Variants in CEP112 observed in about 807,000 individuals in gnomAD.
The protein encoded by CEP112 is centrosomal protein of 112 kDa.
A neutral mutation model predicts 153.0 loss-of-function variants in CEP112; 127 were observed. The ratio of observed to expected loss-of-function variants is 0.83; its 90% CI spans 0.72 to 0.96. CEP112 has a LOEUF of 0.96. CEP112 is among the 40% of genes least tolerant of loss of function. The pLI is 0.00. For missense variants in CEP112, 1,089 were observed against 1,101.2 expected (o/e 0.99, Z 0.16); for synonymous variants, 358 against 374.4 (o/e 0.96, Z 0.51).
intron 23 of CEP112, among the ~76,000 whole-genome samples, chr17:65,714,972 C>A (rs867356731): frequency 6.6e-6 from 1 of 151,800 alleles, no homozygotes; most frequent in Non-Finnish European, 1.5e-5. Flanking sequence ...TTATTTGCAA[C>A]GGTAATACTA....
chr17:65,843,868 T>G (rs4790925), intron 21 of CEP112, among the ~76,000 whole-genome samples: 4,136 of 152,238 alleles, frequency 0.027, 95 homozygotes, highest in South Asian at 0.059. Context: ...TAGTGGAGAA[T>G]TTACAAAGGA....
intron 17 of CEP112, among the ~76,000 whole-genome samples, chr17:65,965,351 G>C (rs57674093): frequency 6.6e-6 from 1 of 152,200 alleles, no homozygotes; most frequent in Non-Finnish European, 1.5e-5. Context: ...TATAAGCACA[G>C]GGAAATATGT....
intron 18 of CEP112, among the ~76,000 whole-genome samples, chr17:65,951,589 C>A (rs7220672): frequency 0.017 from 2,543 of 152,196 alleles, 86 homozygotes; most frequent in African/African-American, 0.058. Flanking sequence ...TGACTCCTAA[C>A]TTTGGCAATT....
intron 17 of CEP112, among the ~76,000 whole-genome samples, chr17:66,002,572 A>G (rs1434280348): frequency 6.6e-6 from 1 of 152,158 alleles, no homozygotes; most frequent in African/African-American, 2.4e-5. Context: ...ATCCCAGGAT[A>G]ATTTATTCTC....
At chr17:65,866,973 C>T (rs1312233952) in intron 20 of CEP112, among the ~76,000 whole-genome samples, 2 of 151,370 alleles carry the variant, frequency 1.3e-5, no homozygotes, top group Admixed American at 6.6e-5. Flanking sequence ...TTGCTCACCA[C>T]ATTGCAGATG....
intron 23 of CEP112, among the ~76,000 whole-genome samples, chr17:65,715,088 T>C (rs572142403): frequency 2.0e-5 from 3 of 151,806 alleles, no homozygotes; most frequent in African/African-American, 7.3e-5. Flanking sequence ...AGGAAAAGAG[T>C]AATACAGAGC....
chr17:66,172,463 G>A (rs977223887), intron 4 of CEP112, among the ~76,000 whole-genome samples: 9 of 152,132 alleles, frequency 5.9e-5, no homozygotes, highest in South Asian at 2.1e-4. Flanking sequence ...AACTGACAAC[G>A]AATGCCTCAT....
At chr17:65,776,262 T>C (rs2053670168) in intron 21 of CEP112, among the ~76,000 whole-genome samples, 2 of 151,652 alleles carry the variant, frequency 1.3e-5, no homozygotes, top group Admixed American at 1.3e-4. Flanking sequence ...TGAGACGGAG[T>C]CTCGCTCTGT....
chr17:65,815,085 T>C (rs1261121560), intron 21 of CEP112, among the ~76,000 whole-genome samples: 1 of 152,016 alleles, frequency 6.6e-6, no homozygotes, highest in South Asian at 2.1e-4. Context: ...CTGAGTCCAA[T>C]TGAAGAAATG....
chr17:66,099,479 G>C (rs2068475236), intron 6 of CEP112, among the ~76,000 whole-genome samples: 1 of 147,956 alleles, frequency 6.8e-6, no homozygotes, highest in Admixed American at 6.8e-5. Flanking sequence ...ACTCCAGCCT[G>C]GGTGACAAGA....
At chr17:65,651,044 A>T (rs8077707) in intron 24 of CEP112, among the ~76,000 whole-genome samples, 2 of 151,838 alleles carry the variant, frequency 1.3e-5, no homozygotes, top group East Asian at 3.9e-4. Context: ...TCACCTGAGC[A>T]GTGTACACTG....
At chr17:66,171,357 G>A (rs1466123994) in intron 4 of CEP112, among the ~76,000 whole-genome samples, 1 of 152,168 alleles carries the variant, frequency 6.6e-6, no homozygotes, top group African/African-American at 2.4e-5. Context: ...ACAAGTTGAA[G>A]TGGCTGTAAA....
intron 12 of CEP112, among the ~76,000 whole-genome samples, chr17:66,041,884 G>C (rs2065998193): frequency 1.3e-5 from 2 of 152,150 alleles, no homozygotes; most frequent in Non-Finnish European, 2.9e-5. Context: ...ACCCTCAAGA[G>C]CAGGGAGTAA....
At chr17:66,113,531 A>G (rs139232845) in intron 6 of CEP112, among the ~76,000 whole-genome samples, 285 of 152,346 alleles carry the variant, frequency 1.9e-3, no homozygotes, top group African/African-American at 6.6e-3. Context: ...CAAGCAGGGT[A>G]CAAAATATTG....
chr17:65,706,570 T>C (rs2048924667), intron 23 of CEP112, among the ~76,000 whole-genome samples: 1 of 152,232 alleles, frequency 6.6e-6, no homozygotes, highest in South Asian at 2.1e-4. Context: ...GGTTCAAAAC[T>C]GGACGTATTA....
At chr17:66,135,838 T>TATATAG (rs3031740) in intron 4 of CEP112, among the ~76,000 whole-genome samples, 2,944 of 151,738 alleles carry the variant, frequency 0.019, 57 homozygotes, top group African/African-American at 0.055. Flanking sequence ...AATGATACTA[T>TATATAG]ATATAGATAT....
At chr17:66,026,528 T>G (rs11653887) in intron 16 of CEP112, among the ~76,000 whole-genome samples, 1 of 152,040 alleles carries the variant, frequency 6.6e-6, no homozygotes, top group South Asian at 2.1e-4. Context: ...ATACATCCCA[T>G]TGATTGTGTA....
chr17:65,776,520 C>T (rs1383014613), intron 21 of CEP112, among the ~76,000 whole-genome samples: 1 of 152,220 alleles, frequency 6.6e-6, no homozygotes, highest in African/African-American at 2.4e-5. Context: ...CCACCGTGCC[C>T]GGCCAGCTGC....
intron 12 of CEP112, among the ~76,000 whole-genome samples, chr17:66,035,976 G>T (rs2065723283): frequency 6.6e-6 from 1 of 152,198 alleles, no homozygotes; most frequent in Non-Finnish European, 1.5e-5. Flanking sequence ...AATGTCCATG[G>T]ATGAATGAAT....
Sources: gnomAD v4.1 joint callset for allele counts (sites outside exome capture counted in the v4.1 genomes callset) on GRCh38, gnomAD v4.1.1 for gene constraint, MANE v1.5 for transcripts, NCBI Gene and HGNC (gene_info 2026-07-23, HGNC 2026-07-21) for gene names.